The following SUGCT variants were observed in gnomAD, a reference collection of about 807,000 sequenced individuals.
SUGCT encodes the protein succinyl-CoA:glutarate-CoA transferase.
Under a neutral mutation model 55.0 loss-of-function variants are expected in SUGCT, and 41 were observed. The ratio of observed to expected loss-of-function variants is 0.74; its 90% CI spans 0.58 to 0.97. The LOEUF (loss-of-function observed/expected upper bound fraction) is 0.97, where lower values mean the gene tolerates loss of function less well. Among genes scored for constraint, SUGCT ranks in the 50% least tolerant of loss-of-function variants. The pLI, the probability that SUGCT is intolerant of heterozygous loss-of-function variation, is 0.00. For synonymous variants in SUGCT, 187 were observed against 200.4 expected (o/e 0.93, Z 0.56); for missense variants, 568 against 547.8 (o/e 1.04, Z -0.37).
intron 13 of SUGCT, among the ~76,000 whole-genome samples, chr7:40,813,015 G>A (rs1791500641): frequency 1.3e-5 from 2 of 152,032 alleles, no homozygotes; most frequent in Admixed American, 6.5e-5. Context: ...TTTGCCCTTG[G>A]CTTTGAGAGG....
chr7:40,468,162 G>C (rs1194724367), intron 11 of SUGCT, among the ~76,000 whole-genome samples: 1 of 151,914 alleles, frequency 6.6e-6, no homozygotes, highest in Non-Finnish European at 1.5e-5. Flanking sequence ...GCTACCCTGT[G>C]TTAATAGCCT....
rs186195901 is a variant in SUGCT, at chr7:40,731,242, T to A, written c.1090-18192T>A. The stretch of plus-strand genomic sequence containing the variant: ...ATCTAATTATCTTAACGAGGCTACA[T>A]GGTCGAACATAATAGTCCAGTTTTT... On this transcript the variant is annotated intron_variant, in intron 12 of 13. Coordinates refer to ENST00000335693, the MANE Select transcript of SUGCT (RefSeq NM_001193313.2). Among the ~76,000 whole-genome samples, 233 of 152,326 alleles carry A rather than the reference T, an allele frequency of 1.5e-3. 1 individual carries two copies. Among genetic ancestry groups the A allele is most frequent in the African/African-American group, 5.4e-3 (226 of 41,578 alleles).
chr7:40,929,159 T>G, the SUGCT span, among the ~76,000 whole-genome samples: 1 of 150,978 alleles, frequency 6.6e-6, no homozygotes, highest in Non-Finnish European at 1.5e-5. Flanking sequence ...CACCTATGAG[T>G]GAGAACATGC....
chr7:41,026,568 T>C, the SUGCT span, among the ~76,000 whole-genome samples: 1 of 152,186 alleles, frequency 6.6e-6, no homozygotes, highest in African/African-American at 2.4e-5. Flanking sequence ...AAAAGGACAA[T>C]GAAACTGAAG....
intron 11 of SUGCT, among the ~76,000 whole-genome samples, chr7:40,479,481 C>T (rs542811140): frequency 2.2e-4 from 33 of 152,122 alleles, no homozygotes; most frequent in Non-Finnish European, 3.4e-4. Context: ...ACTCCATGTA[C>T]GTGTTCTTAT....
the SUGCT span, among the ~76,000 whole-genome samples, chr7:40,962,096 G>A: frequency 1.3e-5 from 2 of 152,144 alleles, no homozygotes; most frequent in Admixed American, 6.5e-5. Context: ...ACAGAGAGCT[G>A]ATTGGTTCAT....
the SUGCT span, among the ~76,000 whole-genome samples, chr7:41,024,068 T>C: frequency 1.3e-5 from 2 of 152,148 alleles, no homozygotes; most frequent in Non-Finnish European, 2.9e-5. Flanking sequence ...GTATGTGAAC[T>C]TGATAGATGC....
At chr7:40,455,811 A>C (rs1789454637) in intron 10 of SUGCT, among the ~76,000 whole-genome samples, 1 of 152,184 alleles carries the variant, frequency 6.6e-6, no homozygotes, top group South Asian at 2.1e-4. Context: ...TTATTTCAGT[A>C]CTGAGTTATC....
intron 9 of SUGCT, among the ~76,000 whole-genome samples, chr7:40,421,419 C>G (rs1024474590): frequency 1.3e-5 from 2 of 152,168 alleles, no homozygotes; most frequent in Admixed American, 1.3e-4. Context: ...CTGACTCCTG[C>G]GTCCTGGACA....
chr7:40,322,286 C>G (rs1795797776), intron 9 of SUGCT, among the ~76,000 whole-genome samples: 1 of 152,180 alleles, frequency 6.6e-6, no homozygotes, highest in African/African-American at 2.4e-5. Flanking sequence ...CCTTGTCTCT[C>G]TTCTCCTTTT....
chr7:40,366,882 A>T (rs1784004660), intron 9 of SUGCT, among the ~76,000 whole-genome samples: 1 of 152,176 alleles, frequency 6.6e-6, no homozygotes, highest in South Asian at 2.1e-4. Flanking sequence ...CTCGAACTAG[A>T]AATACCATTT....
chr7:40,695,405 C>T (rs1357402729), intron 12 of SUGCT, among the ~76,000 whole-genome samples: 4 of 151,802 alleles, frequency 2.6e-5, no homozygotes, highest in Admixed American at 2.0e-4. Context: ...GCCATGTTGC[C>T]CAGGCTGGTC....
At chr7:40,968,704 G>A in the SUGCT span, among the ~76,000 whole-genome samples, 2 of 152,184 alleles carry the variant, frequency 1.3e-5, no homozygotes, top group Non-Finnish European at 2.9e-5. Flanking sequence ...AGGATACGGG[G>A]CTTAATGTTC....
chr7:40,829,574 A>C (rs183945304), intron 13 of SUGCT, among the ~76,000 whole-genome samples: 1 of 152,334 alleles, frequency 6.6e-6, no homozygotes, highest in African/African-American at 2.4e-5. Flanking sequence ...TAATAAAAAG[A>C]AAAACAAAAG....
rs186501597 is a variant in SUGCT, at chr7:40,586,223, T to A, written c.1089+89837T>A. 5.6e-3 allele frequency among the ~76,000 whole-genome samples: 855 copies of A among 152,312 alleles called. 4 individuals carry two copies. The highest frequency in any genetic ancestry group is 0.012 in the Admixed American group (187 of 15,294). The stretch of plus-strand genomic sequence containing the variant: ...AGTTTTAAGTGTTAGGCAATGTTTT[T>A]AACTTAGAACTTAAAATGGAAATCA... On this transcript the variant is annotated intron_variant, in intron 12 of 13. Coordinates refer to ENST00000335693, the MANE Select transcript of SUGCT (RefSeq NM_001193313.2).
At chr7:40,831,045 GA>G (rs1244678477) in intron 13 of SUGCT, among the ~76,000 whole-genome samples, 27 of 152,236 alleles carry the variant, frequency 1.8e-4, no homozygotes, top group African/African-American at 6.3e-4. Flanking sequence ...TGAGAAAGCT[GA>G]ACCTTCTAAG....
the SUGCT span, among the ~76,000 whole-genome samples, chr7:40,940,690 T>C: frequency 2.0e-5 from 3 of 152,276 alleles, no homozygotes; most frequent in Middle Eastern, 3.4e-3. Context: ...TTGGTCATTT[T>C]TGGTGTATAG....
the SUGCT span, among the ~76,000 whole-genome samples, chr7:40,869,796 T>C: frequency 6.6e-6 from 1 of 152,180 alleles, no homozygotes; most frequent in Non-Finnish European, 1.5e-5. Context: ...TTCAGTGTAT[T>C]GTGCAGTTAT....
chr7:40,726,833 G>A (rs946340177), intron 12 of SUGCT, among the ~76,000 whole-genome samples: 2 of 152,134 alleles, frequency 1.3e-5, no homozygotes, highest in Non-Finnish European at 2.9e-5. Flanking sequence ...TGATCATCAG[G>A]GAAGGGGTTA....
Sources: allele counts gnomAD v4.1 joint callset (sites outside exome capture counted in the v4.1 genomes callset), GRCh38; gene constraint gnomAD v4.1.1; transcripts MANE v1.5; gene names NCBI Gene and HGNC (gene_info 2026-07-23, HGNC 2026-07-21).